NPR3: variants seen among roughly 807,000 people sequenced by gnomAD.
NPR3 encodes natriuretic peptide receptor 3.
Under a neutral mutation model 54.5 loss-of-function variants are expected in NPR3, and 34 were observed. The observed-to-expected ratio is 0.62, with a 90% CI of 0.47 to 0.83. NPR3 has a LOEUF of 0.83. Ranked by LOEUF, NPR3 falls within the 40% of genes least tolerant of loss-of-function variation. The pLI is 0.00. For missense variants in NPR3, 674 were observed against 720.8 expected (o/e 0.94, Z 0.74); for synonymous variants, 289 against 297.1 (o/e 0.97, Z 0.28).
At chr5:32,751,763 C>T (rs909005539) in intron 3 of NPR3, among the ~76,000 whole-genome samples, 2 of 152,106 alleles carry the variant, frequency 1.3e-5, no homozygotes, top group African/African-American at 4.8e-5. Flanking sequence ...GGTGGTTTAT[C>T]TAGCCAAGGT....
Position 32,711,813 on chromosome 5 carries a change from G to T in NPR3, c.37G>T (p.Val13Leu). ...GCTGGTGCTCACTTTCTCCCCGTGC[G>T]TACTACTCGGCTGGGCGTTGCTGGC... ...SLLVLTFSPC[V>L]LLGWALLAGG... The change falls in exon 1 of 8, where the codon GTA becomes TTA. Residue 13 changes from valine to leucine, a missense_variant. Coordinates refer to ENST00000265074, the MANE Select transcript of NPR3 (RefSeq NM_001204375.2). 2.8e-6 allele frequency: 4 copies of T among 1,451,288 alleles called. No homozygotes were observed. Among genetic ancestry groups the T allele is most frequent in the Non-Finnish European group, 3.6e-6 (4 of 1,102,574 alleles). 89.9% of individuals were successfully genotyped at this position (1,451,288 alleles called of 1,614,324 possible).
intron 1 of NPR3, among the ~76,000 whole-genome samples, chr5:32,724,381 C>T (rs1224072417): frequency 9.9e-5 from 15 of 152,270 alleles, no homozygotes; most frequent in African/African-American, 2.4e-5. Flanking sequence ...AGACCATCCC[C>T]CAAGTTGGGT....
At chr5:32,709,199 A>G (rs1738086888), upstream of NPR3, among the ~76,000 whole-genome samples, 1 of 152,030 alleles carries the variant, frequency 6.6e-6, no homozygotes, top group South Asian at 2.1e-4. Flanking sequence ...TCATATCGCC[A>G]TTGGCTGGTG....
intron 1 of NPR3, among the ~76,000 whole-genome samples, chr5:32,691,071 C>G (rs1298449906): frequency 6.6e-6 from 1 of 152,132 alleles, no homozygotes; most frequent in South Asian, 2.1e-4. Context: ...AGAAGAGCTG[C>G]CCATCTGAAG....
intron 4 of NPR3, among the ~76,000 whole-genome samples, chr5:32,778,159 TTC>T (rs1742164383): frequency 6.6e-6 from 1 of 151,934 alleles, no homozygotes; most frequent in Admixed American, 6.6e-5. Context: ...GATGTCTCTA[TTC>T]TAGGGCCAGG....
intron 3 of NPR3, among the ~76,000 whole-genome samples, chr5:32,773,580 T>G (rs180824996): frequency 8.1e-4 from 124 of 152,356 alleles, no homozygotes; most frequent in Non-Finnish European, 1.6e-3. Flanking sequence ...TGTGTGTTTT[T>G]GCCCTCACTT....
At chr5:32,765,560 C>A (rs1173731) in intron 3 of NPR3, among the ~76,000 whole-genome samples, 5,760 of 152,212 alleles carry the variant, frequency 0.038, 379 homozygotes, top group African/African-American at 0.13. Flanking sequence ...CCCAGTGTAA[C>A]AAAGATACCT....
At chr5:32,782,806 C>A in intron 5 of NPR3, 87 bp from the exon 6 acceptor site, 1 of 1,306,208 alleles carries the variant, frequency 7.7e-7, no homozygotes, top group Non-Finnish European at 1.0e-6. Flanking sequence ...TCAGGCTGTA[C>A]ATTTTGGGGA....
At chr5:32,714,637 A>G (rs921394921) in intron 1 of NPR3, among the ~76,000 whole-genome samples, 1 of 152,106 alleles carries the variant, frequency 6.6e-6, no homozygotes, top group Non-Finnish European at 1.5e-5. Flanking sequence ...GACCTGGCAG[A>G]TATTTAGAAA....
In NPR3 at chr5:32,712,689, C is replaced by T. The variant is rs138991154; in HGVS notation, c.769+144C>T. On this transcript the variant is annotated intron_variant, in intron 1 of 7. Transcript: ENST00000265074. ...CGCGGGCACTCGTTCAGGTATGCGC[C>T]GTGTGGCTGCGACAACCTTTGACGA... is the stretch of plus-strand genomic sequence containing the variant. 1,777 of 733,902 alleles carry T rather than the reference C, an allele frequency of 2.4e-3. 26 individuals carry two copies. The African/African-American group carries it at 0.028, about 11-fold the overall frequency. 45.5% of individuals were successfully genotyped at this position (733,902 alleles called of 1,614,324 possible). A position where few individuals can be genotyped will look rare whatever the true frequency, so the allele number is the denominator to read the frequency against.
chr5:32,753,897 C>G (rs188856261), intron 3 of NPR3, among the ~76,000 whole-genome samples: 1 of 152,304 alleles, frequency 6.6e-6, no homozygotes, highest in African/African-American at 2.4e-5. Context: ...ACATTCACAA[C>G]TTAAACTCCC....
At position 32,787,895 on chromosome 5, in the gene NPR3, T is replaced by C. The variant is rs1472353709; in HGVS notation, c.*1550T>C. The C allele has an allele frequency of 6.6e-6, 1 of 152,132 alleles. No individual in the cohort carries two copies. Among genetic ancestry groups the C allele is most frequent in the Non-Finnish European group, 1.5e-5 (1 of 68,046 alleles). The allele number at this position is 152,132 out of a possible 1,614,324, so 9.4% of individuals were successfully genotyped here. A position where few individuals can be genotyped will look rare whatever the true frequency, so the allele number is the denominator to read the frequency against. On this transcript the variant is annotated 3_prime_UTR_variant, in exon 8 of 8. Transcript: ENST00000265074. ...AATAACATTTTGAGCATCTGAAAAA[T>C]AGTTTAAAAAATTGTCTTAATATCT... is the stretch of plus-strand genomic sequence containing the variant.
At chr5:32,777,001 T>C (rs953059089) in intron 4 of NPR3, among the ~76,000 whole-genome samples, 2 of 151,972 alleles carry the variant, frequency 1.3e-5, no homozygotes, top group African/African-American at 4.8e-5. Flanking sequence ...AACGTGGAGA[T>C]CCTGAGTGCA....
intron 2 of NPR3, among the ~76,000 whole-genome samples, chr5:32,738,025 A>T (rs912066717): frequency 6.6e-6 from 1 of 152,190 alleles, no homozygotes; most frequent in Non-Finnish European, 1.5e-5. Flanking sequence ...AATTTCTATG[A>T]TGTTGCTAGC....
At chr5:32,731,730 T>C (rs1739458860) in intron 2 of NPR3, among the ~76,000 whole-genome samples, 1 of 152,216 alleles carries the variant, frequency 6.6e-6, no homozygotes, top group Admixed American at 6.5e-5. Flanking sequence ...CCAATGTTAA[T>C]ATAATATATC....
At chr5:32,692,037 G>A (rs1214500111) in intron 1 of NPR3, among the ~76,000 whole-genome samples, 1 of 152,138 alleles carries the variant, frequency 6.6e-6, no homozygotes, top group Non-Finnish European at 1.5e-5. Flanking sequence ...ACATTAAGAA[G>A]AATCCTATGG....
At chr5:32,756,255 C>T in intron 3 of NPR3, among the ~76,000 whole-genome samples, 1 of 152,196 alleles carries the variant, frequency 6.6e-6, no homozygotes, top group African/African-American at 2.4e-5. Context: ...CACATCCTCT[C>T]CAGCACCTGT....
intron 4 of NPR3, among the ~76,000 whole-genome samples, chr5:32,775,655 T>C (rs1742007619): frequency 6.6e-6 from 1 of 152,142 alleles, no homozygotes; most frequent in South Asian, 2.1e-4. Context: ...TGGGATGCAA[T>C]GGAGCAATCT....
intron 3 of NPR3, among the ~76,000 whole-genome samples, chr5:32,760,188 T>C (rs1741086985): frequency 1.3e-5 from 2 of 152,172 alleles, no homozygotes; most frequent in South Asian, 4.1e-4. Context: ...TTGAATACGT[T>C]TTTTTGCGGA....
Sources: gnomAD v4.1 joint callset for allele counts (sites outside exome capture counted in the v4.1 genomes callset) on GRCh38, gnomAD v4.1.1 for gene constraint, MANE v1.5 for transcripts, NCBI Gene and HGNC (gene_info 2026-07-23, HGNC 2026-07-21) for gene names.